PEPD: variants seen among roughly 807,000 people sequenced by gnomAD.
PEPD encodes peptidase D, also known as xaa-Pro dipeptidase.
PEPD carries 53 observed loss-of-function variants against 60.7 expected under a neutral mutation model. That is an observed-to-expected ratio of 0.87 (90% CI 0.70 to 1.10). PEPD has a LOEUF of 1.10. Ranked by LOEUF, PEPD falls within the 50% of genes least tolerant of loss-of-function variation. The pLI, the probability that PEPD is intolerant of heterozygous loss-of-function variation, is 0.00. For missense variants in PEPD, 711 were observed against 711.9 expected (o/e 1.00, Z 0.01); for synonymous variants, 267 against 284.1 (o/e 0.94, Z 0.60).
At chr19:33,441,174 C>A (rs972108390) in intron 9 of PEPD, among the ~76,000 whole-genome samples, 9 of 152,230 alleles carry the variant, frequency 5.9e-5, no homozygotes, top group African/African-American at 2.2e-4. Flanking sequence ...TCTACTATCT[C>A]CACCAAGCCC....
chr19:33,505,601 G>A (rs1165705157), intron 3 of PEPD, among the ~76,000 whole-genome samples: 4 of 151,924 alleles, frequency 2.6e-5, no homozygotes, highest in Admixed American at 2.6e-4. Context: ...CAGAGAGGCT[G>A]GGGAAGCCTC....
At chr19:33,393,670 C>T (rs760058516) in intron 12 of PEPD, among the ~76,000 whole-genome samples, 17 of 152,238 alleles carry the variant, frequency 1.1e-4, no homozygotes, top group African/African-American at 2.2e-4. Flanking sequence ...TCCTCCATCG[C>T]GCATGACCAG....
intron 13 of PEPD, among the ~76,000 whole-genome samples, chr19:33,390,324 CA>C (rs986955143): frequency 1.4e-4 from 22 of 152,202 alleles, no homozygotes; most frequent in African/African-American, 5.3e-4. Flanking sequence ...TCCCTGCACA[CA>C]ATGGGATGAA....
At chr19:33,485,383 C>T (rs1051798847) in intron 6 of PEPD, among the ~76,000 whole-genome samples, 2 of 151,346 alleles carry the variant, frequency 1.3e-5, no homozygotes, top group Non-Finnish European at 2.9e-5. Flanking sequence ...ATCCCAGCTA[C>T]CTGGGAGGCT....
intron 12 of PEPD, among the ~76,000 whole-genome samples, chr19:33,398,482 T>C (rs929886180): frequency 2.0e-5 from 3 of 152,234 alleles, no homozygotes; most frequent in Non-Finnish European, 2.9e-5. Context: ...TGAGAGACTC[T>C]GGCCCACCTG....
At chr19:33,425,297 A>AAAACAAACAAACAAAC (rs113458763) in intron 9 of PEPD, among the ~76,000 whole-genome samples, 2,434 of 151,200 alleles carry the variant, frequency 0.016, 44 homozygotes, top group African/African-American at 0.049. Flanking sequence ...ATTCAGTCTC[A>AAAACAAACAAACAAAC]AAACAAACAA....
intron 2 of PEPD, among the ~76,000 whole-genome samples, chr19:33,512,121 T>G (rs937182051): frequency 6.6e-6 from 1 of 152,196 alleles, no homozygotes; most frequent in African/African-American, 2.4e-5. Context: ...GTGGTCAGGC[T>G]CCAGCTCTGG....
chr19:33,420,164 C>T (rs559086583), intron 9 of PEPD, among the ~76,000 whole-genome samples: 47 of 152,090 alleles, frequency 3.1e-4, no homozygotes, highest in African/African-American at 1.1e-3. Flanking sequence ...CGGAGTTCCT[C>T]GGATCAGTTA....
chr19:33,410,551 G>A (rs542345911), intron 11 of PEPD, among the ~76,000 whole-genome samples: 12 of 152,202 alleles, frequency 7.9e-5, no homozygotes, highest in African/African-American at 2.2e-4. Context: ...GGTCCAGGCC[G>A]GTGAGCAGCC....
intron 9 of PEPD, among the ~76,000 whole-genome samples, chr19:33,438,827 C>G (rs188698692): frequency 6.6e-6 from 1 of 152,368 alleles, no homozygotes; most frequent in African/African-American, 2.4e-5. Context: ...TCAAGAGATT[C>G]TCCTGCCTCA....
chr19:33,458,253 G>A (rs1007613767), intron 9 of PEPD, among the ~76,000 whole-genome samples: 10 of 151,656 alleles, frequency 6.6e-5, no homozygotes, highest in African/African-American at 2.4e-4. Context: ...CATGCGATGT[G>A]TGGTGTGTAG....
At position 33,404,734 on chromosome 19, in the gene PEPD, C is replaced by T. The variant is rs186129433; in HGVS notation, c.819-2865G>A. 2.7e-3 allele frequency among the ~76,000 whole-genome samples: 418 copies of T among 152,262 alleles called. 1 individual carries two copies. Among genetic ancestry groups the T allele is most frequent in the Non-Finnish European group, 4.8e-3 (324 of 68,028 alleles). ...AGGGGGAAGTATACACCCAGCCAGC[C>T]AGCTCCATCCTGCCCAGCGAGGCTC... On this transcript the variant is annotated intron_variant, in intron 11 of 14. Coordinates refer to ENST00000244137, the MANE Select transcript of PEPD (RefSeq NM_000285.4).
At chr19:33,444,074 C>T (rs76150443) in intron 9 of PEPD, among the ~76,000 whole-genome samples, 11,412 of 152,170 alleles carry the variant, frequency 0.075, 527 homozygotes, top group Non-Finnish European at 0.11. Context: ...TACATGGGTG[C>T]GCGCACACAT....
intron 7 of PEPD, among the ~76,000 whole-genome samples, chr19:33,469,385 C>T (rs933743183): frequency 1.3e-5 from 2 of 152,198 alleles, no homozygotes; most frequent in Non-Finnish European, 1.5e-5. Context: ...CAGGGGAACC[C>T]GCAGGAGGGC....
chr19:33,429,544 G>T (rs1969227402), intron 9 of PEPD, among the ~76,000 whole-genome samples: 1 of 152,196 alleles, frequency 6.6e-6, no homozygotes, highest in Non-Finnish European at 1.5e-5. Context: ...AGCAGTGTTT[G>T]AAATATTTCA....
chr19:33,405,331 T>G (rs1568454224), intron 11 of PEPD, among the ~76,000 whole-genome samples: 1 of 152,220 alleles, frequency 6.6e-6, no homozygotes, highest in Admixed American at 6.5e-5. Flanking sequence ...GCTGCAATGT[T>G]TATATGAGAG....
At chr19:33,388,856 G>A (rs1230644367) in intron 13 of PEPD, 2 of 147,962 alleles carry the variant, frequency 1.4e-5, no homozygotes, top group African/African-American at 4.8e-5. Flanking sequence ...AGGCACAGCT[G>A]AGGGGGCCTC....
At chr19:33,514,634 G>A (rs1970992843) in intron 1 of PEPD, among the ~76,000 whole-genome samples, 1 of 151,874 alleles carries the variant, frequency 6.6e-6, no homozygotes, top group Non-Finnish European at 1.5e-5. Flanking sequence ...GGCGCACTGA[G>A]CCAACGACAG....
intron 1 of PEPD, among the ~76,000 whole-genome samples, chr19:33,519,737 T>C (rs1971096670): frequency 6.6e-6 from 1 of 152,086 alleles, no homozygotes; most frequent in Admixed American, 6.5e-5. Context: ...ACCCACCCTG[T>C]GTGGTGGCCC....
Sources: allele counts gnomAD v4.1 joint callset (sites outside exome capture counted in the v4.1 genomes callset), GRCh38; gene constraint gnomAD v4.1.1; transcripts MANE v1.5; gene names NCBI Gene and HGNC (gene_info 2026-07-23, HGNC 2026-07-21).